The following AUTS2 variants were observed in gnomAD, a reference collection of about 807,000 sequenced individuals.
AUTS2 encodes the protein activator of transcription and developmental regulator AUTS2.
A neutral mutation model predicts 112.4 loss-of-function variants in AUTS2; 17 were observed. The ratio of observed to expected loss-of-function variants is 0.15; its 90% CI spans 0.10 to 0.23. The LOEUF (loss-of-function observed/expected upper bound fraction) is 0.23, where lower values mean the gene tolerates loss of function less well. Ranked by LOEUF, AUTS2 falls within the 10% of genes least tolerant of loss-of-function variation. AUTS2 has a pLI of 1.00. For missense variants in AUTS2, 1,510 were observed against 1,701.6 expected (o/e 0.89, Z 1.98); for synonymous variants, 751 against 702.7 (o/e 1.07, Z -1.09).
intron 4 of AUTS2, among the ~76,000 whole-genome samples, chr7:70,218,482 A>G (rs1046523476): frequency 1.3e-5 from 2 of 152,132 alleles, no homozygotes; most frequent in African/African-American, 4.8e-5. Flanking sequence ...AGAGAAAGCC[A>G]TGGTCCTTGC....
At chr7:69,696,280 A>C (rs757375023) in intron 1 of AUTS2, among the ~76,000 whole-genome samples, 2 of 152,150 alleles carry the variant, frequency 1.3e-5, no homozygotes, top group Non-Finnish European at 1.5e-5. Flanking sequence ...GGAAAGGCCA[A>C]GAGACTCAGC....
intron 2 of AUTS2, among the ~76,000 whole-genome samples, chr7:70,110,910 C>T (rs1465633929): frequency 1.5e-5 from 2 of 135,044 alleles, no homozygotes; most frequent in Non-Finnish European, 3.1e-5. Flanking sequence ...TCGCCCCAGT[C>T]GCCCAGGCTG....
At chr7:70,664,412 C>A (rs1038105929) in intron 5 of AUTS2, among the ~76,000 whole-genome samples, 2 of 152,186 alleles carry the variant, frequency 1.3e-5, no homozygotes, top group Admixed American at 6.5e-5. Flanking sequence ...CTCATAATTT[C>A]TCTCCTCTTT....
chr7:70,031,074 A>G (rs566284479), intron 2 of AUTS2, among the ~76,000 whole-genome samples: 3 of 152,294 alleles, frequency 2.0e-5, no homozygotes, highest in South Asian at 2.1e-4. Context: ...TGTAAGGGAA[A>G]AGAGACCATT....
intron 5 of AUTS2, among the ~76,000 whole-genome samples, chr7:70,601,865 C>A (rs1269647432): frequency 6.6e-6 from 1 of 152,162 alleles, no homozygotes; most frequent in African/African-American, 2.4e-5. Flanking sequence ...CCTGCCTCCA[C>A]CATTTCTCAG....
intron 4 of AUTS2, among the ~76,000 whole-genome samples, chr7:70,145,088 A>G (rs1314056417): frequency 2.0e-5 from 3 of 151,980 alleles, no homozygotes; most frequent in African/African-American, 7.2e-5. Context: ...GTGCTACTAG[A>G]TTTTACTCAT....
At chr7:69,719,367 G>C (rs928505616) in intron 1 of AUTS2, among the ~76,000 whole-genome samples, 6 of 152,078 alleles carry the variant, frequency 3.9e-5, no homozygotes, top group African/African-American at 1.2e-4. Context: ...TCCTTCTCCT[G>C]AGTATGATAC....
intron 1 of AUTS2, among the ~76,000 whole-genome samples, chr7:69,846,983 A>G (rs1261760362): frequency 6.6e-6 from 1 of 152,224 alleles, no homozygotes; most frequent in African/African-American, 2.4e-5. Flanking sequence ...CAGGTGGTTG[A>G]GGCAGGACTA....
chr7:70,299,080 T>A (rs1002513524), intron 4 of AUTS2, among the ~76,000 whole-genome samples: 2 of 152,240 alleles, frequency 1.3e-5, no homozygotes, highest in Admixed American at 1.3e-4. Context: ...TTTGGAGAAA[T>A]AAGTTGATGG....
chr7:69,922,374 G>GT (rs770544364), intron 2 of AUTS2, among the ~76,000 whole-genome samples: 5 of 152,156 alleles, frequency 3.3e-5, no homozygotes, highest in Non-Finnish European at 7.4e-5. Flanking sequence ...GGAAGATGTT[G>GT]TTTTATCTGC....
intron 6 of AUTS2, among the ~76,000 whole-genome samples, chr7:70,738,375 C>CT (rs78323847): frequency 1.6e-3 from 229 of 140,960 alleles, no homozygotes; most frequent in African/African-American, 5.4e-3. Context: ...GATTAACTAG[C>CT]TTTTTTTTTT....
chr7:70,119,579 G>A (rs1289458238), intron 3 of AUTS2: 2 of 151,942 alleles, frequency 1.3e-5, no homozygotes, highest in Non-Finnish European at 2.9e-5. Context: ...TGGCCAGGCT[G>A]GTCTTGAACT....
At chr7:70,170,247 C>T (rs373307550) in intron 4 of AUTS2, among the ~76,000 whole-genome samples, 2 of 148,852 alleles carry the variant, frequency 1.3e-5, no homozygotes, top group South Asian at 2.1e-4. Flanking sequence ...GCAATCTCTA[C>T]CTCCTGGGCT....
At chr7:70,597,513 C>T (rs1290156736) in intron 5 of AUTS2, among the ~76,000 whole-genome samples, 1 of 152,142 alleles carries the variant, frequency 6.6e-6, no homozygotes, top group Non-Finnish European at 1.5e-5. Context: ...CGAAGTTACT[C>T]AAATTCAAAG....
intron 5 of AUTS2, among the ~76,000 whole-genome samples, chr7:70,641,294 A>C (rs902165044): frequency 6.6e-6 from 1 of 152,218 alleles, no homozygotes; most frequent in Non-Finnish European, 1.5e-5. Flanking sequence ...TCATGCCTGT[A>C]ATCCCAGCAC....
At chr7:70,401,894 T>C (rs1172181249) in intron 4 of AUTS2, among the ~76,000 whole-genome samples, 1 of 152,224 alleles carries the variant, frequency 6.6e-6, no homozygotes, top group Non-Finnish European at 1.5e-5. Context: ...TTTGAAAATT[T>C]TCTTTACAAA....
intron 4 of AUTS2, among the ~76,000 whole-genome samples, chr7:70,209,621 G>A (rs1401455522): frequency 6.6e-6 from 1 of 152,142 alleles, no homozygotes; most frequent in Admixed American, 6.5e-5. Context: ...AGAAGCCAGT[G>A]ATGTAACACA....
intron 4 of AUTS2, among the ~76,000 whole-genome samples, chr7:70,235,188 T>C (rs1812256898): frequency 6.6e-6 from 1 of 152,090 alleles, no homozygotes; most frequent in South Asian, 2.1e-4. Context: ...GCCTAGAGTG[T>C]GTTGGCAAGA....
At chr7:70,152,815 A>T (rs1807517392) in intron 4 of AUTS2, among the ~76,000 whole-genome samples, 1 of 152,170 alleles carries the variant, frequency 6.6e-6, no homozygotes, top group African/African-American at 2.4e-5. Flanking sequence ...ATAGTAATAT[A>T]TTATTACACA....
Sources: allele counts gnomAD v4.1 joint callset (sites outside exome capture counted in the v4.1 genomes callset), GRCh38; gene constraint gnomAD v4.1.1; transcripts MANE v1.5; gene names NCBI Gene and HGNC (gene_info 2026-07-23, HGNC 2026-07-21).